Variants in SLC4A11 observed in about 807,000 individuals in gnomAD.
The protein encoded by SLC4A11 is bicarbonate transporter related protein 1.
Under a neutral mutation model 95.0 loss-of-function variants are expected in SLC4A11, and 74 were observed. The ratio of observed to expected loss-of-function variants is 0.78; its 90% CI spans 0.65 to 0.95. SLC4A11 has a LOEUF of 0.95. Ranked by LOEUF, SLC4A11 falls within the 40% of genes least tolerant of loss-of-function variation. The pLI, the probability that SLC4A11 is intolerant of heterozygous loss-of-function variation, is 0.00. For missense variants in SLC4A11, 1,081 were observed against 1,192.4 expected, an observed-to-expected ratio of 0.91 and a Z score of 1.38; for synonymous variants, 548 against 519.0, an observed-to-expected ratio of 1.06 and a Z score of -0.76.
chr20:3,239,376 G>T, upstream of SLC4A11: 1 of 1,115,764 alleles, frequency 9.0e-7, no homozygotes, highest in Non-Finnish European at 1.1e-6. Flanking sequence ...GCCGGGCTGG[G>T]CTGCTCCCCG....
At position 3,234,321 on chromosome 20, in the gene SLC4A11, G is replaced by A; in HGVS notation, c.292-7C>T. On this transcript the variant is annotated splice_polypyrimidine_tract_variant and splice_region_variant and intron_variant, in intron 4 of 19. Coordinates refer to ENST00000642402, the MANE Select transcript of SLC4A11 (RefSeq NM_001174089.2). This position sits in a 1 kb window ranked among gnomAD's most constrained non-coding sequence, Gnocchi z 5.8. ...AGTTCTTTAACTTCAGGTACTGAGG[G>A]GACCCCAGGGACAGAACCACACGGG... The A allele has an allele frequency of 6.2e-7, 1 of 1,612,608 alleles. No homozygotes were observed. The highest frequency in any genetic ancestry group is 8.5e-7 in the Non-Finnish European group (1 of 1,179,330).
In SLC4A11 at chr20:3,234,600, C is replaced by G; in HGVS notation, c.259G>C (p.Gly87Arg). Reference sequence around the variant, plus strand: ...GAGGTGTGCAGGAGCACACAGCCACCGGAAGTCGCTTCATTCTCTGCCGGA... The same window carrying G: ...GAGGTGTGCAGGAGCACACAGCCACGGGAAGTCGCTTCATTCTCTGCCGGA... Reference protein sequence around the residue: ...ATNTENEATSGGCVLLHTSRK... With the variant: ...ATNTENEATSRGCVLLHTSRK... The change falls in exon 4 of 20, where the codon GGT (glycine) becomes CGT (arginine). Residue 87 changes from glycine (G) to arginine (R), a missense_variant. Coordinates refer to ENST00000642402, the MANE Select transcript of SLC4A11 (RefSeq NM_001174089.2). This position sits in a 1 kb window ranked among gnomAD's most constrained non-coding sequence, Gnocchi z 5.8. 6.2e-7 allele frequency: 1 copy of G among 1,613,872 alleles called. No individual in the cohort carries two copies. The highest frequency in any genetic ancestry group is 8.5e-7 in the Non-Finnish European group (1 of 1,180,012).
chr20:3,228,109 C>A (rs529013981), intron 19 of SLC4A11, 150 bp downstream of exon 19: 4 of 1,037,962 alleles, frequency 3.9e-6, no homozygotes, highest in Non-Finnish European at 5.6e-6. Flanking sequence ...CACTCTCCAC[C>A]CCTAGGCAGG....
chr20:3,229,782 GAC>G lies in SLC4A11; in HGVS notation c.1490-8_1490-7del, dbSNP rs774948424. The G allele has an allele frequency of 3.1e-6, 5 of 1,613,684 alleles. No homozygotes were observed. The South Asian group carries it at 4.4e-5, about 14-fold the overall frequency. ...ATAGTAGTACTTCCAGAAGACTGTG[GAC>G]ACACACCCACAGGCCTCAGCCCTCT... On this transcript the variant is annotated splice_region_variant and splice_polypyrimidine_tract_variant and intron_variant, in intron 13 of 19. Transcript: ENST00000642402.
Position 3,238,322 on chromosome 20 carries a change from C to G in SLC4A11, c.44-734G>C, listed in dbSNP as rs562909130. ...CGGAGGAAGGAAGCGACAGGAGGGG[C>G]CGCGTGCACGAGAGGAAAGCGCCTC... On this transcript the variant is annotated intron_variant, in intron 1 of 19. Transcript: ENST00000642402. 9 of 985,484 alleles carry G rather than the reference C, an allele frequency of 9.1e-6. No homozygotes were observed. The East Asian group carries it at 9.1e-4, about 99-fold the overall frequency. The allele number at this position is 985,484 out of a possible 1,614,324, so 61.0% of individuals were successfully genotyped here. A position where few individuals can be genotyped will look rare whatever the true frequency, so the allele number is the denominator to read the frequency against.
Position 3,234,090 on chromosome 20 carries a change from C to G in SLC4A11, c.516G>C (p.Arg172=), listed in dbSNP as rs2122598372. 1 of 1,613,992 alleles carries G rather than the reference C, an allele frequency of 6.2e-7. No homozygotes were observed. The highest frequency in any genetic ancestry group is 8.5e-7 in the Non-Finnish European group (1 of 1,180,030). The change falls in exon 5 of 20, where the codon CGG becomes CGC. Residue 172 remains arginine (R), a synonymous_variant. Coordinates refer to ENST00000642402, the MANE Select transcript of SLC4A11 (RefSeq NM_001174089.2). This position sits in a 1 kb window ranked among gnomAD's most constrained non-coding sequence, Gnocchi z 5.8. ...MLFTDAGAPM[R]GKVHLLSDTI... ...CCGGGAGACCGGCCTCACCTTTACCCCGCATGGGTGCCCCGGCATCGGTGA... is the reference window on the plus strand; with the variant it reads ...CCGGGAGACCGGCCTCACCTTTACCGCGCATGGGTGCCCCGGCATCGGTGA...
chr20:3,230,068 T>C (rs2067701385), intron 13 of SLC4A11, 119 bp downstream of exon 13: 8 of 1,304,074 alleles, frequency 6.1e-6, no homozygotes, highest in African/African-American at 4.4e-5. Context: ...CACCGCACCC[T>C]TGATCACGGG....
rs3842433 is a variant in SLC4A11 at position 3,234,403 on chromosome 20, TCCAGCCC to T, written c.292-96_292-90del. 5.3e-5 allele frequency: 71 copies of T among 1,338,902 alleles called. No homozygotes were observed. The highest frequency in any genetic ancestry group is 3.6e-4 in the East Asian group (15 of 42,026). 82.9% of individuals were successfully genotyped at this position (1,338,902 alleles called of 1,614,324 possible). On this transcript the variant is annotated intron_variant, in intron 4 of 19. Coordinates refer to ENST00000642402, the MANE Select transcript of SLC4A11 (RefSeq NM_001174089.2). This position sits in a 1 kb window ranked among gnomAD's most constrained non-coding sequence, Gnocchi z 5.8. ...CCTCCCTCCCAGCCAGCCGCAGCAGTCCAGCCCCCAGCCCCCAGCCCCCAGCCCTGGG... is the reference window on the plus strand; with the variant it reads ...CCTCCCTCCCAGCCAGCCGCAGCAGTCCAGCCCCCAGCCCCCAGCCCTGGG...
Position 3,239,080 on chromosome 20 carries a change from G to A in SLC4A11, c.43+15C>T. The A allele has an allele frequency of 2.0e-6, 3 of 1,473,424 alleles. No homozygotes were observed. Among genetic ancestry groups the A allele is most frequent in the South Asian group, 2.5e-5 (2 of 78,484 alleles). The allele number at this position is 1,473,424 out of a possible 1,614,324, so 91.3% of individuals were successfully genotyped here. A position where few individuals can be genotyped will look rare whatever the true frequency, so the allele number is the denominator to read the frequency against. ...GGGCGGCCTTCCCGCCGCGCCCCCG[G>A]GTTCAGGCACCCACCGCACGGCTGC... On this transcript the variant is annotated intron_variant, in intron 1 of 19. Transcript: ENST00000642402.
chr20:3,239,420 C>T (rs1266533919), upstream of SLC4A11: 2 of 1,072,498 alleles, frequency 1.9e-6, no homozygotes, highest in Non-Finnish European at 2.3e-6. Context: ...CCGAGTAGAC[C>T]CGGCTCCTTC....
chr20:3,231,325 T>G lies in SLC4A11; in HGVS notation c.948+5A>C. 2.5e-6 allele frequency: 4 copies of G among 1,613,828 alleles called. No homozygotes were observed. The highest frequency in any genetic ancestry group is 3.4e-6 in the Non-Finnish European group (4 of 1,179,978). On this transcript the variant is annotated splice_donor_5th_base_variant and intron_variant, in intron 8 of 19. Coordinates refer to ENST00000642402, the MANE Select transcript of SLC4A11 (RefSeq NM_001174089.2). This position sits in a 1 kb window ranked among gnomAD's most constrained non-coding sequence, Gnocchi z 5.2. ...TGCCGGCCCCCGCCGGCCTCTACCCTGTACCTCTGGGTGTCTGTGGGCAGG... is the reference window on the plus strand; with the variant it reads ...TGCCGGCCCCCGCCGGCCTCTACCCGGTACCTCTGGGTGTCTGTGGGCAGG...
chr20:3,231,221 C>A lies in SLC4A11; in HGVS notation c.970G>T (p.Val324Phe), dbSNP rs2067762000. 1.2e-6 allele frequency: 2 copies of A among 1,613,934 alleles called. No individual in the cohort carries two copies. The highest frequency in any genetic ancestry group is 1.7e-6 in the Non-Finnish European group (2 of 1,180,028). Residue 324 changes from valine to phenylalanine, a missense_variant, in exon 9 of 20, where the codon GTC becomes TTC. Physicochemically the swap from Val to Phe is conservative, Grantham distance 50. Coordinates refer to ENST00000642402, the MANE Select transcript of SLC4A11 (RefSeq NM_001174089.2). This position sits in a 1 kb window ranked among gnomAD's most constrained non-coding sequence, Gnocchi z 5.2. ...TCCCGGATGCCCTTCCCAAAAGGGA[C>A]AAAGTCCTTGCACTTTGGGGGCTGG... is the stretch of plus-strand genomic sequence containing the variant. ...HPEPPKCKDF[V>F]PFGKGIREDI...
At position 3,228,618 on chromosome 20, in the gene SLC4A11, T is replaced by C. The variant is rs369152161; in HGVS notation, c.2282A>G (p.Gln761Arg). The change falls in exon 18 of 20, where the codon CAG (glutamine) becomes CGG (arginine). Residue 761 changes from glutamine to arginine, a missense_variant. By Grantham distance (43) the Gln-to-Arg change is conservative. This residue lies in a region of SLC4A11 where 767 missense variants were observed against 858.0 expected (regional missense o/e 0.89). Transcript: ENST00000642402. ...ATAGAGCACGGGCTTGGGGATCCAC[T>C]GAAGCGGGACCGGCAGCAGCAACAG... is the stretch of plus-strand genomic sequence containing the variant. ...LSLLLLPVPL[Q>R]WIPKPVLYGL... is the part of the protein sequence containing the mutation. The C allele has an allele frequency of 1.2e-5, 20 of 1,613,102 alleles. No homozygotes were observed. Among genetic ancestry groups the C allele is most frequent in the East Asian group, 6.7e-5 (3 of 44,882 alleles).
At chr20:3,238,874 G>A (rs1043678215) in intron 1 of SLC4A11, 2 of 1,232,900 alleles carry the variant, frequency 1.6e-6, no homozygotes, top group Non-Finnish European at 2.0e-6. Flanking sequence ...GGCGACAGCA[G>A]AGCCCTAATG....
chr20:3,238,628 C>G (rs1241026647), intron 1 of SLC4A11: 1 of 993,488 alleles, frequency 1.0e-6, no homozygotes, highest in Non-Finnish European at 1.2e-6. Context: ...AGGGCACGGT[C>G]AGGGGTCCCG....
chr20:3,235,309 T>TCACACACACACACACACACACA (rs58744452), intron 2 of SLC4A11, among the ~76,000 whole-genome samples: 2 of 123,540 alleles, frequency 1.6e-5, no homozygotes, highest in African/African-American at 6.3e-5. Flanking sequence ...TCTCTCTCTC[T>TCACACACACACACACACACACA]CACACACACA....
Position 3,234,666 on chromosome 20 carries a change from T to A in SLC4A11, c.242-49A>T. 6.2e-7 allele frequency: 1 copy of A among 1,613,692 alleles called. No individual in the cohort carries two copies. The highest frequency in any genetic ancestry group is 8.5e-7 in the Non-Finnish European group (1 of 1,179,964). On this transcript the variant is annotated intron_variant, in intron 3 of 19. Transcript: ENST00000642402. The surrounding 1 kb of genome is among the most constrained non-coding windows in gnomAD (Gnocchi z 5.8). ...CTCAGGGTGCCACCCTCTCCTCAGG[T>A]CTTTCTTAGTAAGGCGAGTCACACC...
Position 3,231,313 on chromosome 20 carries a change from C to T in SLC4A11, c.948+17G>A, listed in dbSNP as rs199979686. ...CCCCGCCGACCCTGCCGGCCCCCGC[C>T]GGCCTCTACCCTGTACCTCTGGGTG... On this transcript the variant is annotated intron_variant, in intron 8 of 19. Coordinates refer to ENST00000642402, the MANE Select transcript of SLC4A11 (RefSeq NM_001174089.2). The surrounding 1 kb of genome is among the most constrained non-coding windows in gnomAD (Gnocchi z 5.2). 9.9e-5 allele frequency: 160 copies of T among 1,613,632 alleles called. No individual in the cohort carries two copies. In the African/African-American group the frequency reaches 1.7e-3, roughly 18 times the overall value.
At position 3,231,315 on chromosome 20, in the gene SLC4A11, G is replaced by A. The variant is rs748257338; in HGVS notation, c.948+15C>T. ...CCGCCGACCCTGCCGGCCCCCGCCG[G>A]CCTCTACCCTGTACCTCTGGGTGTC... On this transcript the variant is annotated intron_variant, in intron 8 of 19. Transcript: ENST00000642402. This position sits in a 1 kb window ranked among gnomAD's most constrained non-coding sequence, Gnocchi z 5.2. 1.2e-6 allele frequency: 2 copies of A among 1,613,682 alleles called. No individual in the cohort carries two copies. The highest frequency in any genetic ancestry group is 1.7e-4 in the Middle Eastern group (1 of 6,058).
Sources: allele counts gnomAD v4.1 joint callset (sites outside exome capture counted in the v4.1 genomes callset), GRCh38; gene constraint gnomAD v4.1.1; regional missense constraint gnomAD v4.1.1; non-coding constraint Gnocchi (gnomAD v3.1); transcripts MANE v1.5; gene names NCBI Gene and HGNC (gene_info 2026-07-23, HGNC 2026-07-21).